Variants in PLCL1 observed in about 807,000 individuals in gnomAD.
PLCL1 encodes the protein phospholipase C like 1 (inactive).
A neutral mutation model predicts 84.4 loss-of-function variants in PLCL1; 41 were observed. The observed-to-expected ratio is 0.49, with a 90% CI of 0.38 to 0.63. The LOEUF (loss-of-function observed/expected upper bound fraction) is 0.63, where lower values mean the gene tolerates loss of function less well. Ranked by LOEUF, PLCL1 falls within the 30% of genes least tolerant of loss-of-function variation. PLCL1 has a pLI of 0.00. For synonymous variants in PLCL1, 490 were observed against 488.3 expected (o/e 1.00, Z -0.05); for missense variants, 1,206 against 1,367.8 (o/e 0.88, Z 1.87).
At position 198,101,299 on chromosome 2, in the gene PLCL1, C is replaced by G; in HGVS notation, c.2934C>G (p.Ser978Arg). Residue 978 changes from serine to arginine, a missense_variant, in exon 4 of 6, where the codon AGC (serine) becomes AGG (arginine). By Grantham distance (110) the Ser-to-Arg change is moderately radical. Transcript: ENST00000428675. ...LTAYDLMIQESRFLIEMADTV... is the reference protein window; with the variant it reads ...LTAYDLMIQERRFLIEMADTV... ...TTTTGTAACAGATGATTCAAGAGAG[C>G]CGGTTTCTCATAGAAATGGCGGACA... is the stretch of plus-strand genomic sequence containing the variant. The G allele has an allele frequency of 6.3e-7, 1 of 1,594,292 alleles. No homozygotes were observed. The highest frequency in any genetic ancestry group is 8.6e-7 in the Non-Finnish European group (1 of 1,163,416).
intron 5 of PLCL1, among the ~76,000 whole-genome samples, chr2:198,127,959 G>A (rs1694029709): frequency 6.6e-6 from 1 of 151,884 alleles, no homozygotes; most frequent in African/African-American, 2.4e-5. Context: ...ATTTTGCTGA[G>A]TAAATTTCTC....
chr2:198,078,435 A>G (rs1048980456), intron 1 of PLCL1, among the ~76,000 whole-genome samples: 24 of 152,310 alleles, frequency 1.6e-4, no homozygotes, highest in African/African-American at 5.8e-4. Context: ...TTTATAGTGT[A>G]TAGGTTGTAT....
chr2:198,121,583 T>G (rs1007400990), intron 5 of PLCL1, among the ~76,000 whole-genome samples: 2 of 152,100 alleles, frequency 1.3e-5, no homozygotes, highest in Admixed American at 1.3e-4. Flanking sequence ...CATTGTATGT[T>G]CGTGGCACCT....
intron 1 of PLCL1, among the ~76,000 whole-genome samples, chr2:198,061,127 G>A (rs538882827): frequency 2.6e-5 from 4 of 152,122 alleles, no homozygotes; most frequent in Admixed American, 1.3e-4. Flanking sequence ...CCATATGCTC[G>A]TGAAAAAAAG....
At chr2:197,979,807 A>C (rs889740546) in intron 1 of PLCL1, among the ~76,000 whole-genome samples, 3 of 151,914 alleles carry the variant, frequency 2.0e-5, no homozygotes, top group African/African-American at 7.3e-5. Flanking sequence ...ACCCATTCCC[A>C]TTCATTATTT....
rs1404291280 is a variant in PLCL1 at position 198,147,272 on chromosome 2, G to A, written c.*310G>A. 13 of 191,240 alleles carry A rather than the reference G, an allele frequency of 6.8e-5. No homozygotes were observed. Among genetic ancestry groups the A allele is most frequent in the African/African-American group, 2.3e-5 (1 of 42,872 alleles). The allele number at this position is 191,240 out of a possible 1,614,324, so 11.8% of individuals were successfully genotyped here. A position where few individuals can be genotyped will look rare whatever the true frequency, so the allele number is the denominator to read the frequency against. ...AAAGAGAGAGAGAGAGAGAAATTCTGTTAAAATCTATTCTGTGTTGCATTA... is the reference window on the plus strand; with the variant it reads ...AAAGAGAGAGAGAGAGAGAAATTCTATTAAAATCTATTCTGTGTTGCATTA... On this transcript the variant is annotated 3_prime_UTR_variant, in exon 6 of 6. Coordinates refer to ENST00000428675, the MANE Select transcript of PLCL1 (RefSeq NM_006226.4).
chr2:197,995,907 G>A (rs1254297192), intron 1 of PLCL1, among the ~76,000 whole-genome samples: 3 of 152,196 alleles, frequency 2.0e-5, no homozygotes, highest in Admixed American at 6.5e-5. Context: ...TCTTATGAGA[G>A]TTGAAAGGTT....
intron 1 of PLCL1, among the ~76,000 whole-genome samples, chr2:198,023,624 C>T (rs946820164): frequency 2.6e-5 from 4 of 152,130 alleles, no homozygotes; most frequent in African/African-American, 4.8e-5. Flanking sequence ...GACATTTATT[C>T]GGCCAATGAA....
intron 1 of PLCL1, among the ~76,000 whole-genome samples, chr2:198,063,450 C>T (rs1692252426): frequency 6.6e-6 from 1 of 152,064 alleles, no homozygotes; most frequent in Admixed American, 6.6e-5. Flanking sequence ...AAAAGTCAAG[C>T]TAACTGTTTA....
chr2:197,822,661 G>A (rs1207339214), intron 1 of PLCL1, among the ~76,000 whole-genome samples: 1 of 152,150 alleles, frequency 6.6e-6, no homozygotes, highest in African/African-American at 2.4e-5. Flanking sequence ...TTAAGTATTT[G>A]CCCAGATTCA....
intron 4 of PLCL1, among the ~76,000 whole-genome samples, chr2:198,102,662 T>G (rs536803757): frequency 6.6e-6 from 1 of 152,110 alleles, no homozygotes; most frequent in Non-Finnish European, 1.5e-5. Flanking sequence ...AAGAGTTTCA[T>G]TGGCAAGCTG....
rs549794403 is a variant in PLCL1 at position 198,136,337 on chromosome 2, A to G, written c.3106-10443A>G. ...TGAGTACAATTATTATAGCCATTTT[A>G]TGGATGAGGAAACTGAGGCACCCAG... On this transcript the variant is annotated intron_variant, in intron 5 of 5. Transcript: ENST00000428675. Among the ~76,000 whole-genome samples, 4 of 152,228 alleles carry G rather than the reference A, an allele frequency of 2.6e-5. No homozygotes were observed. The South Asian group carries it at 6.2e-4, about 24-fold the overall frequency.
At chr2:197,886,061 A>G (rs976855575) in intron 1 of PLCL1, among the ~76,000 whole-genome samples, 4 of 152,158 alleles carry the variant, frequency 2.6e-5, no homozygotes, top group African/African-American at 9.7e-5. Flanking sequence ...TTTTCTCCAT[A>G]GCTTTCATCC....
At chr2:197,938,723 T>C (rs1213523034) in intron 1 of PLCL1, among the ~76,000 whole-genome samples, 1 of 152,134 alleles carries the variant, frequency 6.6e-6, no homozygotes, top group African/African-American at 2.4e-5. Context: ...CACAGCTGTT[T>C]AGTGGCAGGG....
chr2:197,840,283 C>T (rs1416626408), intron 1 of PLCL1, among the ~76,000 whole-genome samples: 2 of 151,860 alleles, frequency 1.3e-5, no homozygotes, highest in Non-Finnish European at 2.9e-5. Context: ...TACTTTTCCC[C>T]TGTCTGGTCA....
At chr2:197,855,170 A>G (rs1251250396) in intron 1 of PLCL1, among the ~76,000 whole-genome samples, 1 of 152,216 alleles carries the variant, frequency 6.6e-6, no homozygotes, top group African/African-American at 2.4e-5. Flanking sequence ...GGCTAAGGGA[A>G]TAAACTGTTC....
At chr2:198,122,871 C>T (rs1472759431) in intron 5 of PLCL1, among the ~76,000 whole-genome samples, 1 of 152,046 alleles carries the variant, frequency 6.6e-6, no homozygotes, top group African/African-American at 2.4e-5. Flanking sequence ...TCAGTAAATT[C>T]TAATAGCAAT....
At chr2:198,075,626 G>A (rs1021133363) in intron 1 of PLCL1, among the ~76,000 whole-genome samples, 3 of 152,296 alleles carry the variant, frequency 2.0e-5, no homozygotes, top group African/African-American at 4.8e-5. Flanking sequence ...TACAAAGGAC[G>A]TAGTACTTCT....
chr2:198,017,111 G>C (rs543241765), intron 1 of PLCL1, among the ~76,000 whole-genome samples: 19 of 152,266 alleles, frequency 1.2e-4, no homozygotes, highest in South Asian at 4.1e-4. Context: ...CAATCCCTAT[G>C]CATTGCCAAA....
Sources: allele counts gnomAD v4.1 joint callset (sites outside exome capture counted in the v4.1 genomes callset), GRCh38; gene constraint gnomAD v4.1.1; transcripts MANE v1.5; gene names NCBI Gene and HGNC (gene_info 2026-07-23, HGNC 2026-07-21).